The following PPP1R21 variants were observed in gnomAD, a reference collection of about 807,000 sequenced individuals.
The protein encoded by PPP1R21 is KLRAQ motif containing 1.
PPP1R21 carries 85 observed loss-of-function variants against 112.8 expected under a neutral mutation model. The observed-to-expected ratio is 0.75, with a 90% CI of 0.63 to 0.90. The LOEUF (loss-of-function observed/expected upper bound fraction) is 0.90. Ranked by LOEUF, PPP1R21 falls within the 40% of genes least tolerant of loss-of-function variation. The probability of loss-of-function intolerance (pLI) is 0.00; values close to 1 mark genes in which losing one functional copy is unlikely to be tolerated. For missense variants in PPP1R21, 1,199 were observed against 901.5 expected (o/e 1.33, Z -4.23); for synonymous variants, 381 against 322.3 (o/e 1.18, Z -1.95).
intron 1 of PPP1R21, among the ~76,000 whole-genome samples, chr2:48,442,587 AT>A (rs1338007412): frequency 6.6e-6 from 1 of 152,190 alleles, no homozygotes; most frequent in Non-Finnish European, 1.5e-5. Flanking sequence ...CTTTAATGGA[AT>A]ATTCTAACGT....
intron 12 of PPP1R21, among the ~76,000 whole-genome samples, chr2:48,476,468 T>C (rs995946610): frequency 2.0e-5 from 3 of 152,242 alleles, no homozygotes; most frequent in African/African-American, 4.8e-5. Flanking sequence ...GGTGTATACC[T>C]AGGAATGGAA....
At chr2:48,458,320 C>T (rs1198739156) in intron 4 of PPP1R21, 93 bp downstream of exon 4, 5 of 742,838 alleles carry the variant, frequency 6.7e-6, no homozygotes, top group African/African-American at 1.8e-5. Context: ...TTTGTGTCTG[C>T]GTGGGTATTT....
chr2:48,456,901 A>C (rs769752948), intron 3 of PPP1R21, among the ~76,000 whole-genome samples: 25 of 152,114 alleles, frequency 1.6e-4, no homozygotes, highest in African/African-American at 5.1e-4. Flanking sequence ...AAATACAAAA[A>C]ATTAGCCCAG....
Position 48,458,212 on chromosome 2 carries a change from A to G in PPP1R21, c.360A>G (p.Glu120=). The G allele has an allele frequency of 1.2e-6, 2 of 1,608,804 alleles. No homozygotes were observed. Among genetic ancestry groups the G allele is most frequent in the Non-Finnish European group, 1.7e-6 (2 of 1,175,820 alleles). Residue 120 remains glutamate (E), a synonymous_variant, in exon 4 of 22, where the codon GAA becomes GAG. Transcript: ENST00000294952. ...TGCAAAAGAAGATAGAAGAGAATGA[A>G]CGGTTGCATATACAAGTGAGAAAAT... ...EDLQKKIEEN[E]RLHIQFFEAD... is the part of the protein sequence containing the mutation.
intron 3 of PPP1R21, among the ~76,000 whole-genome samples, chr2:48,455,067 G>T (rs1465569528): frequency 6.6e-6 from 1 of 151,846 alleles, no homozygotes; most frequent in African/African-American, 2.4e-5. Flanking sequence ...TGAACTCCTG[G>T]ACTCAAGCGA....
At chr2:48,497,004 T>A (rs964724152) in intron 16 of PPP1R21, among the ~76,000 whole-genome samples, 10 of 152,246 alleles carry the variant, frequency 6.6e-5, no homozygotes, top group African/African-American at 1.9e-4. Flanking sequence ...TAAACATGTT[T>A]CCCTGACTTC....
At chr2:48,443,491 A>G (rs1050310070) in intron 1 of PPP1R21, among the ~76,000 whole-genome samples, 1 of 152,228 alleles carries the variant, frequency 6.6e-6, no homozygotes, top group Admixed American at 6.5e-5. Context: ...ATCACGATGC[A>G]CTTTGAGAGT....
chr2:48,458,120 C>A lies in PPP1R21; in HGVS notation c.274-6C>A, dbSNP rs771456468. ...TTATGTGGACATAACTTATTCTTTCCATCAGAAAAGTGGAGAATCTTCTTC... is the reference window on the plus strand; with the variant it reads ...TTATGTGGACATAACTTATTCTTTCAATCAGAAAAGTGGAGAATCTTCTTC... On this transcript the variant is annotated splice_polypyrimidine_tract_variant and splice_region_variant and intron_variant, in intron 3 of 21. Transcript: ENST00000294952. 1.3e-6 allele frequency: 2 copies of A among 1,591,806 alleles called. No individual in the cohort carries two copies. Among genetic ancestry groups the A allele is most frequent in the South Asian group, 1.1e-5 (1 of 90,392 alleles).
In PPP1R21 at chr2:48,452,525, TATATA is replaced by T. The variant is rs201912287; in HGVS notation, c.126+1456_126+1460del. 3.1e-3 allele frequency among the ~76,000 whole-genome samples: 460 copies of T among 150,258 alleles called. 6 individuals carry two copies. The highest frequency in any genetic ancestry group is 0.01 in the African/African-American group (428 of 41,200). The stretch of plus-strand genomic sequence containing the variant: ...TATAAGCATAATTATATATTATAAT[TATATA>T]ATATAAATTATGAGAAAAATAAATT... On this transcript the variant is annotated intron_variant, in intron 2 of 21. Transcript: ENST00000294952.
At chr2:48,441,155 T>A (rs1284614529) in intron 1 of PPP1R21, 145 bp downstream of exon 1, 78 of 661,094 alleles carry the variant, frequency 1.2e-4, no homozygotes, top group Middle Eastern at 3.2e-4. Context: ...CGTCCACCAT[T>A]ACGGTGCCTC....
At chr2:48,466,510 A>G (rs932151146) in intron 9 of PPP1R21, among the ~76,000 whole-genome samples, 2 of 152,012 alleles carry the variant, frequency 1.3e-5, no homozygotes, top group African/African-American at 4.8e-5. Flanking sequence ...TACAGGTGTA[A>G]GCCACTGTGC....
chr2:48,456,905 A>G (rs921137563), intron 3 of PPP1R21, among the ~76,000 whole-genome samples: 3 of 152,130 alleles, frequency 2.0e-5, no homozygotes, highest in Admixed American at 6.5e-5. Context: ...ACAAAAAATT[A>G]GCCCAGCATG....
rs1023920021 is a variant in PPP1R21, at chr2:48,474,691, A to C, written c.1097A>C (p.Glu366Ala). 6.2e-7 allele frequency: 1 copy of C among 1,604,422 alleles called. No individual in the cohort carries two copies. The highest frequency in any genetic ancestry group is 1.3e-5 in the African/African-American group (1 of 74,478). Residue 366 changes from glutamate to alanine, a missense_variant, in exon 12 of 22, where the codon GAA becomes GCA. Glu to Ala is a moderately radical substitution (Grantham distance 107). Coordinates refer to ENST00000294952, the MANE Select transcript of PPP1R21 (RefSeq NM_001135629.3). The stretch of plus-strand genomic sequence containing the variant: ...AATCTGCCTATTCCTAGTTTAGAAG[A>C]AGAATGTGAATCCTCTCTTTGCACA... ...ILPYQLKSLEEECESSLCTSA... is the reference protein window; with the variant it reads ...ILPYQLKSLEAECESSLCTSA...
intron 1 of PPP1R21, among the ~76,000 whole-genome samples, chr2:48,445,619 C>T (rs1016948160): frequency 1.1e-4 from 17 of 152,144 alleles, no homozygotes; most frequent in African/African-American, 3.9e-4. Context: ...GCCTCCTCTT[C>T]CTGTTTAGTT....
At position 48,459,881 on chromosome 2, in the gene PPP1R21, C is replaced by G. The variant is rs1667900044; in HGVS notation, c.503C>G (p.Thr168Ser). Reference sequence around the variant, plus strand: ...GGTCTCACCCGGAAGTACATGGAAACCATTGAGAAGCTGCAGAACGACAAG... The same window carrying G: ...GGTCTCACCCGGAAGTACATGGAAAGCATTGAGAAGCTGCAGAACGACAAG... ...VDGLTRKYME[T>S]IEKLQNDKAK... The change falls in exon 5 of 22, where the codon ACC (threonine) becomes AGC (serine). Residue 168 changes from threonine to serine, a missense_variant. Thr to Ser is a moderately conservative substitution (Grantham distance 58). Coordinates refer to ENST00000294952, the MANE Select transcript of PPP1R21 (RefSeq NM_001135629.3). 1 of 1,614,162 alleles carries G rather than the reference C, an allele frequency of 6.2e-7. No homozygotes were observed. The highest frequency in any genetic ancestry group is 2.2e-5 in the East Asian group (1 of 44,886).
chr2:48,452,895 A>G (rs1356846505), intron 2 of PPP1R21, among the ~76,000 whole-genome samples: 2 of 151,888 alleles, frequency 1.3e-5, no homozygotes, highest in Non-Finnish European at 2.9e-5. Flanking sequence ...ACTTTTCTCA[A>G]CATGCAGGTA....
Position 48,440,800 on chromosome 2 carries a change from T to C in PPP1R21, c.-154T>C. 4 of 632,772 alleles carry C rather than the reference T, an allele frequency of 6.3e-6. No homozygotes were observed. Among genetic ancestry groups the C allele is most frequent in the Middle Eastern group, 4.2e-4 (1 of 2,372 alleles). 39.2% of individuals were successfully genotyped at this position (632,772 alleles called of 1,614,324 possible). Reference sequence around the variant, plus strand: ...TCCTCCCACCCCGGGAACCCGGAAGTGGAGGAGGAGGCGCGGCGGCGGCGG... The same window carrying C: ...TCCTCCCACCCCGGGAACCCGGAAGCGGAGGAGGAGGCGCGGCGGCGGCGG... On this transcript the variant is annotated 5_prime_UTR_variant, in exon 1 of 22. Transcript: ENST00000294952.
rs1670564340 is a variant in PPP1R21 at position 48,510,043 on chromosome 2, T to C, written c.2114T>C (p.Leu705Ser). 1.2e-6 allele frequency: 2 copies of C among 1,613,846 alleles called. No homozygotes were observed. Among genetic ancestry groups the C allele is most frequent in the Admixed American group, 1.7e-5 (1 of 60,004 alleles). The change falls in exon 20 of 22, where the codon TTG becomes TCG. Residue 705 changes from leucine to serine, a missense_variant. Coordinates refer to ENST00000294952, the MANE Select transcript of PPP1R21 (RefSeq NM_001135629.3). Reference protein sequence around the residue: ...ECRALSKRLALAEKSKEALTE... With the variant: ...ECRALSKRLASAEKSKEALTE... ...CGAGCACTGTCTAAAAGACTGGCCT[T>C]GGCTGAAAAGTCTAAGGAAGCATTG...
At chr2:48,472,641 T>C (rs1349508631) in intron 11 of PPP1R21, among the ~76,000 whole-genome samples, 18 of 148,030 alleles carry the variant, frequency 1.2e-4, no homozygotes, top group Non-Finnish European at 2.7e-4. Context: ...AAAAAAAAGG[T>C]TAATTACTTA....
Sources: allele counts gnomAD v4.1 joint callset (sites outside exome capture counted in the v4.1 genomes callset), GRCh38; gene constraint gnomAD v4.1.1; transcripts MANE v1.5; gene names NCBI Gene and HGNC (gene_info 2026-07-23, HGNC 2026-07-21).